The following DLGAP2 variants were observed in gnomAD, a reference collection of about 807,000 sequenced individuals.
The protein encoded by DLGAP2 is DLG associated protein 2.
Under a neutral mutation model 100.3 loss-of-function variants are expected in DLGAP2, and 26 were observed. The ratio of observed to expected loss-of-function variants is 0.26; its 90% CI spans 0.19 to 0.36. DLGAP2 has a LOEUF of 0.36. Ranked by LOEUF, DLGAP2 falls within the 10% of genes least tolerant of loss-of-function variation. The pLI is 1.00. For synonymous variants in DLGAP2, 886 were observed against 630.1 expected, an observed-to-expected ratio of 1.41 and a Z score of -6.08; for missense variants, 1,858 against 1,453.2, an observed-to-expected ratio of 1.28 and a Z score of -4.53.
intron 3 of DLGAP2, among the ~76,000 whole-genome samples, chr8:1,483,173 T>C (rs1799144781): frequency 6.6e-6 from 1 of 152,096 alleles, no homozygotes; most frequent in Admixed American, 6.5e-5. Flanking sequence ...CAGGGAGTGA[T>C]CTGTGGCTGA....
At position 1,243,044 on chromosome 8, in the gene DLGAP2, C is replaced by T. The variant is rs141943818; in HGVS notation, c.74-15807C>T. 1.2e-4 allele frequency among the ~76,000 whole-genome samples: 18 copies of T among 152,304 alleles called. No individual in the cohort carries two copies. The East Asian group carries it at 2.1e-3, about 18-fold the overall frequency. ...GACCACCTTCCCTAGGCAAACTTGCCAGCTCCCTCCTTTGTTTTCACGTCC... is the reference window on the plus strand; with the variant it reads ...GACCACCTTCCCTAGGCAAACTTGCTAGCTCCCTCCTTTGTTTTCACGTCC... On this transcript the variant is annotated intron_variant, in intron 2 of 14. Coordinates refer to ENST00000637795, the MANE Select transcript of DLGAP2 (RefSeq NM_001346810.2).
chr8:1,353,941 T>G (rs1801791285), intron 3 of DLGAP2, among the ~76,000 whole-genome samples: 1 of 152,182 alleles, frequency 6.6e-6, no homozygotes, highest in Admixed American at 6.5e-5. Flanking sequence ...AAGAAAAATT[T>G]CCAGCGTCAC....
intron 1 of DLGAP2, among the ~76,000 whole-genome samples, chr8:879,144 A>C (rs917589956): frequency 8.5e-5 from 13 of 152,190 alleles, no homozygotes; most frequent in African/African-American, 3.1e-4. Flanking sequence ...CTAGGATCAC[A>C]AAGGGAGTTT....
Position 1,548,825 on chromosome 8 carries a change from CG to C in DLGAP2, c.373del (p.Ala125ProfsTer22). ...CGCGGCCGCCCTACCTGCTGAGCCC[CG>C]CCGACAGCTGCCCCGGGGGGCGCCA... ...DARPPYLLSP[A>X]DSCPGGRHRC... On this transcript the variant is annotated frameshift_variant, in exon 5 of 15. Coordinates refer to ENST00000637795, the MANE Select transcript of DLGAP2 (RefSeq NM_001346810.2). LOFTEE classifies it high-confidence loss of function. 6.3e-7 allele frequency: 1 copy of C among 1,579,862 alleles called. No homozygotes were observed. Among genetic ancestry groups the C allele is most frequent in the Non-Finnish European group, 8.6e-7 (1 of 1,167,012 alleles).
intron 1 of DLGAP2, among the ~76,000 whole-genome samples, chr8:839,160 A>G (rs1233874385): frequency 6.6e-6 from 1 of 152,220 alleles, no homozygotes; most frequent in African/African-American, 2.4e-5. Context: ...AGTAGCAATT[A>G]TGAAAACAGT....
At chr8:1,371,399 C>G (rs1329196836) in intron 3 of DLGAP2, among the ~76,000 whole-genome samples, 1 of 152,200 alleles carries the variant, frequency 6.6e-6, no homozygotes, top group Non-Finnish European at 1.5e-5. Flanking sequence ...TGGCAGAAGT[C>G]AGGCGTGGTT....
chr8:1,066,706 G>A (rs1190247514), intron 2 of DLGAP2, among the ~76,000 whole-genome samples: 1 of 152,124 alleles, frequency 6.6e-6, no homozygotes, highest in African/African-American at 2.4e-5. Flanking sequence ...TCTGAGTGAG[G>A]AGGGCAGCTC....
chr8:1,369,095 T>C (rs1802178261), intron 3 of DLGAP2: 1 of 152,142 alleles, frequency 6.6e-6, no homozygotes, highest in African/African-American at 2.4e-5. Flanking sequence ...CAGCAGAGAA[T>C]GCAGAACCCT....
intron 3 of DLGAP2, among the ~76,000 whole-genome samples, chr8:1,496,370 A>C (rs1203513982): frequency 6.6e-6 from 1 of 151,920 alleles, no homozygotes; most frequent in African/African-American, 2.4e-5. Context: ...CTGTCCTCTG[A>C]GTATGCGCTC....
rs562096356 is a variant in DLGAP2 at position 946,805 on chromosome 8, T to C, written c.73+38839T>C. 5.3e-5 allele frequency among the ~76,000 whole-genome samples: 8 copies of C among 152,328 alleles called. No individual in the cohort carries two copies. In the East Asian group the frequency reaches 7.7e-4, roughly 15 times the overall value. On this transcript the variant is annotated intron_variant, in intron 2 of 14. Coordinates refer to ENST00000637795, the MANE Select transcript of DLGAP2 (RefSeq NM_001346810.2). ...AGAGCCCTTCTCATTACAAAAGAAC[T>C]GCCATTACACACAGATAGAAACAGC...
chr8:825,806 A>G (rs932743934), intron 1 of DLGAP2, among the ~76,000 whole-genome samples: 3 of 152,220 alleles, frequency 2.0e-5, no homozygotes, highest in African/African-American at 7.2e-5. Flanking sequence ...TGAAAAAGGT[A>G]TCTGTCACCT....
chr8:1,358,546 C>T (rs559354544), intron 3 of DLGAP2, among the ~76,000 whole-genome samples: 9 of 152,288 alleles, frequency 5.9e-5, no homozygotes, highest in East Asian at 5.8e-4. Flanking sequence ...CTTAACATCA[C>T]GCTGGAGACC....
At chr8:1,360,389 G>C (rs1055136555) in intron 3 of DLGAP2, among the ~76,000 whole-genome samples, 6 of 152,126 alleles carry the variant, frequency 3.9e-5, no homozygotes, top group East Asian at 3.9e-4. Context: ...CGCTGCGTCT[G>C]TCTGAGCCTG....
chr8:1,414,576 T>C (rs7000777), intron 3 of DLGAP2, among the ~76,000 whole-genome samples: 9,682 of 151,748 alleles, frequency 0.064, 334 homozygotes, highest in South Asian at 0.085. Flanking sequence ...CACACCAGAG[T>C]GGAGGCAGAA....
At chr8:927,618 G>C (rs910816711) in intron 2 of DLGAP2, among the ~76,000 whole-genome samples, 2 of 152,146 alleles carry the variant, frequency 1.3e-5, no homozygotes, top group Non-Finnish European at 2.9e-5. Flanking sequence ...CAGGAGAATC[G>C]TGGGGCCCAG....
intron 8 of DLGAP2, among the ~76,000 whole-genome samples, chr8:1,659,223 C>T (rs1798354663): frequency 6.6e-6 from 1 of 152,100 alleles, no homozygotes; most frequent in African/African-American, 2.4e-5. Context: ...TTATGATTTC[C>T]ATCCTTTTGC....
chr8:1,264,628 C>G (rs958808891), intron 3 of DLGAP2, among the ~76,000 whole-genome samples: 21 of 152,088 alleles, frequency 1.4e-4, no homozygotes, highest in African/African-American at 5.1e-4. Flanking sequence ...ATCAAAATCA[C>G]AAACTATGTA....
intron 6 of DLGAP2, among the ~76,000 whole-genome samples, chr8:1,597,804 T>C: frequency 6.6e-6 from 1 of 152,240 alleles, no homozygotes; most frequent in Non-Finnish European, 1.5e-5. Flanking sequence ...TACAATCATG[T>C]CATCTGCAAA....
rs1563265057 is a variant in DLGAP2 at position 1,227,176 on chromosome 8, T to TATATATATATATATATATATATA, written c.74-31672_74-31671insTATATATATATATATATATAATA. Among the ~76,000 whole-genome samples the TATATATATATATATATATATATA allele has an allele frequency of 1.9e-4, 11 of 58,920 alleles. No individual in the cohort carries two copies. In the South Asian group the frequency reaches 3.5e-3, roughly 19 times the overall value. 38.7% of individuals were successfully genotyped at this position (58,920 alleles called of 152,430 possible). A position where few individuals can be genotyped will look rare whatever the true frequency, so the allele number is the denominator to read the frequency against. ...GAGATATATATATATATATATATAG[T>TATATATATATATATATATATATA]ATAGATATATATTATCCATTCATTT... On this transcript the variant is annotated intron_variant, in intron 2 of 14. Coordinates refer to ENST00000637795, the MANE Select transcript of DLGAP2 (RefSeq NM_001346810.2).
Sources: allele counts gnomAD v4.1 joint callset (sites outside exome capture counted in the v4.1 genomes callset), GRCh38; gene constraint gnomAD v4.1.1; transcripts MANE v1.5; gene names NCBI Gene and HGNC (gene_info 2026-07-23, HGNC 2026-07-21).